CAMK1D: variants seen among roughly 807,000 people sequenced by gnomAD.
The protein encoded by CAMK1D is calcium/calmodulin dependent protein kinase ID.
A neutral mutation model predicts 47.7 loss-of-function variants in CAMK1D; 9 were observed. The ratio of observed to expected loss-of-function variants is 0.19; its 90% confidence interval spans 0.11 to 0.33. The LOEUF (loss-of-function observed/expected upper bound fraction) is 0.33. CAMK1D is among the 10% of genes least tolerant of loss of function. The pLI, the probability that CAMK1D is intolerant of heterozygous loss-of-function variation, is 1.00. For synonymous variants in CAMK1D, 184 were observed against 184.9 expected (o/e 0.99, Z 0.04); for missense variants, 291 against 488.7 (o/e 0.60, Z 3.81).
At position 12,706,774 on chromosome 10, in the gene CAMK1D, C is replaced by G. The variant is rs191745142; in HGVS notation, c.299+39964C>G. On this transcript the variant is annotated intron_variant, in intron 3 of 10. Transcript: ENST00000619168. ...AAAAAAAAGAATGTAGAAAAGATCT[C>G]TGTTTTCCATTCATTCCCTCAGTTA... is the stretch of plus-strand genomic sequence containing the variant. Among the ~76,000 whole-genome samples, 101 of 151,948 alleles carry G rather than the reference C, an allele frequency of 6.6e-4. 2 individuals are homozygous for G. The highest frequency in any genetic ancestry group is 3.4e-3 in the Middle Eastern group (1 of 290).
rs144057222 is a variant in CAMK1D at position 12,710,299 on chromosome 10, A to G, written c.299+43489A>G. Reference sequence around the variant, plus strand: ...ATGACATTGATTTACGTTGTAAGTAACACACTACTGCCACCAGAGTATTTC... The same window carrying G: ...ATGACATTGATTTACGTTGTAAGTAGCACACTACTGCCACCAGAGTATTTC... On this transcript the variant is annotated intron_variant, in intron 3 of 10. Transcript: ENST00000619168. Among the ~76,000 whole-genome samples the G allele has an allele frequency of 2.0e-5, 3 of 152,344 alleles. No homozygotes were observed. The East Asian group carries it at 5.8e-4, about 29-fold the overall frequency.
intron 3 of CAMK1D, among the ~76,000 whole-genome samples, chr10:12,746,945 T>C (rs1158533295): frequency 1.3e-5 from 2 of 152,210 alleles, no homozygotes; most frequent in Non-Finnish European, 2.9e-5. Flanking sequence ...TGTTTTATGG[T>C]TCTCCAAAGT....
At chr10:12,556,408 A>G (rs543291928) in intron 2 of CAMK1D, among the ~76,000 whole-genome samples, 46 of 152,334 alleles carry the variant, frequency 3.0e-4, no homozygotes, top group Admixed American at 1.1e-3. Context: ...GTGCAGTGGC[A>G]TTGCAGATGC....
chr10:12,816,145 A>C, intron 7 of CAMK1D, 105 bp from the exon 8 acceptor site: 1 of 833,838 alleles, frequency 1.2e-6, no homozygotes, highest in Non-Finnish European at 2.0e-6. Flanking sequence ...GGCTGGTCTC[A>C]TATTTTTCAT....
intron 5 of CAMK1D, among the ~76,000 whole-genome samples, chr10:12,784,746 A>C (rs1837649226): frequency 6.6e-6 from 1 of 152,024 alleles, no homozygotes; most frequent in South Asian, 2.1e-4. Context: ...GTACCTACTC[A>C]CCAAAAATAT....
At chr10:12,479,122 C>T (rs1481103117) in intron 1 of CAMK1D, among the ~76,000 whole-genome samples, 11 of 152,138 alleles carry the variant, frequency 7.2e-5, no homozygotes, top group East Asian at 1.9e-4. Context: ...TATGTGAAAA[C>T]GGCTCCTGGC....
chr10:12,473,063 A>T (rs957526052), intron 1 of CAMK1D, among the ~76,000 whole-genome samples: 1 of 152,130 alleles, frequency 6.6e-6, no homozygotes, highest in East Asian at 1.9e-4. Flanking sequence ...TGGTAAACAG[A>T]TGCCTGTTAG....
rs1368744004 is a variant in CAMK1D at position 12,427,713 on chromosome 10, T to C, written c.92+77803T>C. Among the ~76,000 whole-genome samples, 42 of 115,828 alleles carry C rather than the reference T, an allele frequency of 3.6e-4. 2 individuals are homozygous for C. The highest frequency in any genetic ancestry group is 1.3e-3 in the African/African-American group (41 of 31,898). 76.0% of individuals were successfully genotyped at this position (115,828 alleles called of 152,430 possible). On this transcript the variant is annotated intron_variant, in intron 1 of 10. Transcript: ENST00000619168. ...ACTGAACTTACTGTTTTTTTTTTTT[T>C]TTTTTTTTTTTTGAGACGGAGTCTT...
intron 3 of CAMK1D, among the ~76,000 whole-genome samples, chr10:12,730,651 G>A (rs115784966): frequency 0.018 from 2,751 of 152,192 alleles, 92 homozygotes; most frequent in African/African-American, 0.063. Context: ...GGGGAGAAGA[G>A]GAAGAACCCA....
At chr10:12,642,710 T>A (rs1221901615) in intron 2 of CAMK1D, among the ~76,000 whole-genome samples, 1 of 152,244 alleles carries the variant, frequency 6.6e-6, no homozygotes, top group Non-Finnish European at 1.5e-5. Flanking sequence ...GCTTTTATTT[T>A]AATTTTACCA....
chr10:12,812,646 C>A lies in CAMK1D; in HGVS notation c.642-1549C>A, dbSNP rs552448062. Among the ~76,000 whole-genome samples the A allele has an allele frequency of 7.9e-4, 120 of 152,192 alleles. 1 individual carries two copies. The South Asian group carries it at 0.024, about 30-fold the overall frequency. ...AGAAAGAAAAAAAAAGAACTGCCACCGTGGCTGCCACCCTCTGGGTTGTCG... is the reference window on the plus strand; with the variant it reads ...AGAAAGAAAAAAAAAGAACTGCCACAGTGGCTGCCACCCTCTGGGTTGTCG... On this transcript the variant is annotated intron_variant, in intron 6 of 10. Coordinates refer to ENST00000619168, the MANE Select transcript of CAMK1D (RefSeq NM_153498.4).
intron 3 of CAMK1D, among the ~76,000 whole-genome samples, chr10:12,705,643 C>G (rs1833702148): frequency 6.6e-6 from 1 of 152,100 alleles, no homozygotes; most frequent in Non-Finnish European, 1.5e-5. Context: ...GTAGACAATC[C>G]TACTCAAGGT....
chr10:12,556,482 TG>T lies in CAMK1D; in HGVS notation c.224+3129del, dbSNP rs555456168. On this transcript the variant is annotated intron_variant, in intron 2 of 10. Transcript: ENST00000619168. ...GCTGTCTTCTTCCTTTGGGGTGGGA[TG>T]GGAGGAGAGGATTCATGGAGGAGGA... 7.4e-3 allele frequency among the ~76,000 whole-genome samples: 1,131 copies of T among 151,990 alleles called. 10 individuals are homozygous for T. Among genetic ancestry groups the T allele is most frequent in the African/African-American group, 0.026 (1,096 of 41,430 alleles).
intron 1 of CAMK1D, among the ~76,000 whole-genome samples, chr10:12,413,551 GATA>G (rs1426987334): frequency 6.7e-6 from 1 of 148,392 alleles, no homozygotes; most frequent in Admixed American, 6.9e-5. Flanking sequence ...GTATGATGGT[GATA>G]ATGATGATGA....
intron 2 of CAMK1D, among the ~76,000 whole-genome samples, chr10:12,638,278 G>A (rs560312459): frequency 1.3e-5 from 2 of 152,248 alleles, no homozygotes; most frequent in South Asian, 4.1e-4. Context: ...AGCTGGGCGT[G>A]GTCTGGATAA....
At chr10:12,784,202 T>A (rs1399578975) in intron 5 of CAMK1D, among the ~76,000 whole-genome samples, 2 of 89,640 alleles carry the variant, frequency 2.2e-5, no homozygotes, top group Non-Finnish European at 4.8e-5. Context: ...AAAGGTATTT[T>A]TTTTTTTTTT....
intron 2 of CAMK1D, among the ~76,000 whole-genome samples, chr10:12,649,425 T>C (rs1588732617): frequency 6.6e-6 from 1 of 152,334 alleles, no homozygotes; most frequent in East Asian, 1.9e-4. Context: ...TTAAGGCTGG[T>C]CCCCTCTGCG....
intron 6 of CAMK1D, among the ~76,000 whole-genome samples, chr10:12,792,812 T>G (rs761919402): frequency 1.0e-3 from 155 of 152,228 alleles, no homozygotes; most frequent in Non-Finnish European, 1.6e-3. Context: ...GCTTTAAAAC[T>G]AACATATTGC....
rs550908941 is a variant in CAMK1D, at chr10:12,796,999, A to G, written c.641+5766A>G. 5.3e-5 allele frequency among the ~76,000 whole-genome samples: 8 copies of G among 152,276 alleles called. No individual in the cohort carries two copies. The South Asian group carries it at 1.5e-3, about 28-fold the overall frequency. ...AGCAAACAAACATGTTCTCTCCCCT[A>G]TAGGAAATGCTCCGTGAGAAACCAA... On this transcript the variant is annotated intron_variant, in intron 6 of 10. Transcript: ENST00000619168.
Sources: gnomAD v4.1 joint callset for allele counts (sites outside exome capture counted in the v4.1 genomes callset) on GRCh38, gnomAD v4.1.1 for gene constraint, MANE v1.5 for transcripts, NCBI Gene and HGNC (gene_info 2026-07-23, HGNC 2026-07-21) for gene names.